UGGT2: variants seen among roughly 807,000 people sequenced by gnomAD.
UGGT2 encodes the protein UDP-glucose:glycoprotein glucosyltransferase 2.
Under a neutral mutation model 192.1 loss-of-function variants are expected in UGGT2, and 180 were observed. That is an observed-to-expected ratio of 0.94 (90% CI 0.83 to 1.06). The LOEUF (loss-of-function observed/expected upper bound fraction) is 1.06. Among genes scored for constraint, UGGT2 ranks in the 50% least tolerant of loss-of-function variants. UGGT2 has a pLI of 0.00. For missense variants in UGGT2, 1,849 were observed against 1,795.7 expected, an observed-to-expected ratio of 1.03 and a Z score of -0.54; for synonymous variants, 580 against 591.0, an observed-to-expected ratio of 0.98 and a Z score of 0.27.
At chr13:95,921,872 T>A (rs2140406672) in intron 20 of UGGT2, among the ~76,000 whole-genome samples, 1 of 152,310 alleles carries the variant, frequency 6.6e-6, no homozygotes, top group Non-Finnish European at 1.5e-5. Flanking sequence ...GTTTGGACAT[T>A]TCTCAGAGAA....
Position 95,949,386 on chromosome 13 carries a change from C to A in UGGT2, c.1404G>T (p.Lys468Asn). The A allele has an allele frequency of 6.3e-7, 1 of 1,585,112 alleles. No individual in the cohort carries two copies. Among genetic ancestry groups the A allele is most frequent in the Non-Finnish European group, 8.6e-7 (1 of 1,164,472 alleles). ...TWPTSCQKLL[K>N]PVFPGSVPSI... is the part of the protein sequence containing the mutation. ...AAGGTACACTTCCAGGAAATACTGG[C>A]TTCAGAAGTTTCTGGCAACTTGTAG... The change falls in exon 13 of 39, where the codon AAG (lysine) becomes AAT (asparagine). Residue 468 changes from lysine (K) to asparagine (N), a missense_variant. Transcript: ENST00000376747.
chr13:95,883,571 C>T (rs1396789350), intron 27 of UGGT2, among the ~76,000 whole-genome samples: 1 of 152,054 alleles, frequency 6.6e-6, no homozygotes, highest in Non-Finnish European at 1.5e-5. Context: ...GTAGTGAATA[C>T]TCATGAGGTC....
intron 12 of UGGT2, among the ~76,000 whole-genome samples, chr13:95,951,953 G>A (rs1401752878): frequency 2.0e-5 from 3 of 152,140 alleles, no homozygotes; most frequent in South Asian, 4.2e-4. Flanking sequence ...AACTACTCAG[G>A]AGGCTGAGGC....
At position 96,013,255 on chromosome 13, in the gene UGGT2, T is replaced by A. The variant is rs2052221235; in HGVS notation, c.660+52A>T. On this transcript the variant is annotated intron_variant, in intron 5 of 38. Coordinates refer to ENST00000376747, the MANE Select transcript of UGGT2 (RefSeq NM_020121.4). ...AAATCTAGTAAGACGATTATCATAA[T>A]AATTGTTTTTTTCTACAGCCAAAAG... The A allele has an allele frequency of 2.0e-6, 3 of 1,488,346 alleles. No homozygotes were observed. In the East Asian group the frequency reaches 7.4e-5, roughly 37 times the overall value. The allele number at this position is 1,488,346 out of a possible 1,614,324, so 92.2% of individuals were successfully genotyped here.
chr13:95,853,821 C>T (rs563837616), intron 35 of UGGT2, among the ~76,000 whole-genome samples, 164 bp from the exon 36 acceptor site: 30 of 152,132 alleles, frequency 2.0e-4, no homozygotes, highest in African/African-American at 6.5e-4. Flanking sequence ...ATACTGTTTC[C>T]CAAGAGTTTT....
chr13:95,814,332 C>G (rs1438342860), intron 38 of UGGT2, among the ~76,000 whole-genome samples: 1 of 152,192 alleles, frequency 6.6e-6, no homozygotes, highest in South Asian at 2.1e-4. Context: ...TGGAACTGCT[C>G]AAGGCTTTGG....
At chr13:95,929,950 G>A (rs1416599758) in intron 17 of UGGT2, among the ~76,000 whole-genome samples, 1 of 152,064 alleles carries the variant, frequency 6.6e-6, no homozygotes, top group Admixed American at 6.6e-5. Flanking sequence ...AGCATCTGTT[G>A]TTTGTTCACT....
chr13:96,014,949 A>T (rs1176786295), intron 4 of UGGT2, among the ~76,000 whole-genome samples: 1 of 152,168 alleles, frequency 6.6e-6, no homozygotes, highest in Non-Finnish European at 1.5e-5. Flanking sequence ...TTTAAGCCTG[A>T]AAAATTCTTC....
chr13:95,805,002 C>G (rs1450934863), intron 38 of UGGT2, among the ~76,000 whole-genome samples: 1 of 151,926 alleles, frequency 6.6e-6, no homozygotes, highest in African/African-American at 2.4e-5. Flanking sequence ...GAAAGGTAAC[C>G]TAGCAAATAA....
intron 15 of UGGT2, among the ~76,000 whole-genome samples, chr13:95,943,171 C>G (rs574578389): frequency 6.6e-6 from 1 of 152,184 alleles, no homozygotes; most frequent in African/African-American, 2.4e-5. Context: ...AAGTCTCACC[C>G]ATTTTGAGTC....
At chr13:95,887,314 T>C in intron 26 of UGGT2, 1 of 515,814 alleles carries the variant, frequency 1.9e-6, no homozygotes, top group Non-Finnish European at 3.9e-6. Flanking sequence ...AACTGAATAT[T>C]CCCATCAATA....
chr13:95,817,953 TA>T (rs1885075784), intron 38 of UGGT2, among the ~76,000 whole-genome samples: 1 of 152,116 alleles, frequency 6.6e-6, no homozygotes. Flanking sequence ...CAAACTATAT[TA>T]TAAAAATTAT....
Position 95,859,579 on chromosome 13 carries a change from C to T in UGGT2, c.3825+12G>A. ...AACATTAACCATTCTACAAAAAAAGCTATGTACTTACTTTAAATGTCGGTG... is the reference window on the plus strand; with the variant it reads ...AACATTAACCATTCTACAAAAAAAGTTATGTACTTACTTTAAATGTCGGTG... On this transcript the variant is annotated intron_variant, in intron 33 of 38. Coordinates refer to ENST00000376747, the MANE Select transcript of UGGT2 (RefSeq NM_020121.4). 1.9e-6 allele frequency: 3 copies of T among 1,595,342 alleles called. No homozygotes were observed. The highest frequency in any genetic ancestry group is 2.6e-6 in the Non-Finnish European group (3 of 1,166,346).
At chr13:95,817,238 T>C (rs2139767978) in intron 38 of UGGT2, among the ~76,000 whole-genome samples, 1 of 152,312 alleles carries the variant, frequency 6.6e-6, no homozygotes, top group East Asian at 1.9e-4. Context: ...CATTCTGGTA[T>C]AATCAGTAAG....
At chr13:96,035,017 C>A (rs993050918) in intron 1 of UGGT2, among the ~76,000 whole-genome samples, 8 of 152,214 alleles carry the variant, frequency 5.3e-5, no homozygotes, top group Non-Finnish European at 1.2e-4. Context: ...AAAGCCAAAA[C>A]CCTTATCACG....
intron 29 of UGGT2, chr13:95,876,886 T>C (rs986543907): frequency 6.9e-6 from 1 of 145,368 alleles, no homozygotes; most frequent in Non-Finnish European, 1.5e-5. Flanking sequence ...TTTTTTTTTT[T>C]TTTTTTTTTT....
chr13:96,047,282 A>G (rs1401692719), intron 1 of UGGT2, among the ~76,000 whole-genome samples: 4 of 152,180 alleles, frequency 2.6e-5, no homozygotes, highest in African/African-American at 9.7e-5. Context: ...TTCCAGAGGA[A>G]CAATAAGACA....
At chr13:95,959,541 C>T (rs888700246) in intron 12 of UGGT2, among the ~76,000 whole-genome samples, 15 of 152,174 alleles carry the variant, frequency 9.9e-5, no homozygotes, top group Admixed American at 2.0e-4. Context: ...GTGGGGATCA[C>T]CCAGCACAAT....
At chr13:95,908,445 C>A (rs113028269) in intron 20 of UGGT2, among the ~76,000 whole-genome samples, 1 of 151,908 alleles carries the variant, frequency 6.6e-6, no homozygotes, top group Admixed American at 6.6e-5. Flanking sequence ...GACACATAAT[C>A]GTGAGATTCA....
Sources: gnomAD v4.1 joint callset for allele counts (sites outside exome capture counted in the v4.1 genomes callset) on GRCh38, gnomAD v4.1.1 for gene constraint, MANE v1.5 for transcripts, NCBI Gene and HGNC (gene_info 2026-07-23, HGNC 2026-07-21) for gene names.